The following TASOR variants were observed in gnomAD, a reference collection of about 807,000 sequenced individuals.
TASOR encodes protein TASOR.
In TASOR, 53 loss-of-function variants were observed where a neutral mutation model predicts 178.6. The observed-to-expected ratio is 0.30, with a 90% CI of 0.24 to 0.37. The LOEUF is 0.37. Ranked by LOEUF, TASOR falls within the 10% of genes least tolerant of loss-of-function variation. The pLI, the probability that TASOR is intolerant of heterozygous loss-of-function variation, is 1.00. For synonymous variants in TASOR, 713 were observed against 696.2 expected, an observed-to-expected ratio of 1.02 and a Z score of -0.38; for missense variants, 1,815 against 1,971.4, an observed-to-expected ratio of 0.92 and a Z score of 1.50.
At chr3:56,673,433 C>CAAAAA (rs5849162) in intron 2 of TASOR, 147 bp downstream of exon 2, 70 of 194,700 alleles carry the variant, frequency 3.6e-4, no homozygotes, top group Middle Eastern at 1.9e-3. Context: ...ACTCCGTCTC[C>CAAAAA]AAAAAAAAAA....
intron 18 of TASOR, 145 bp downstream of exon 18, chr3:56,632,899 A>G: frequency 1.6e-6 from 1 of 630,222 alleles, no homozygotes; most frequent in Non-Finnish European, 2.6e-6. Context: ...CAGCCTCCCA[A>G]GTTTTGGGAT....
chr3:56,621,767 G>T lies in TASOR; in HGVS notation c.*1270C>A. 4 of 270,800 alleles carry T rather than the reference G, an allele frequency of 1.5e-5. No homozygotes were observed. The highest frequency in any genetic ancestry group is 2.8e-5 in the Non-Finnish European group (4 of 144,170). The allele number at this position is 270,800 out of a possible 1,614,324, so 16.8% of individuals were successfully genotyped here. A position where few individuals can be genotyped will look rare whatever the true frequency, so the allele number is the denominator to read the frequency against. The stretch of plus-strand genomic sequence containing the variant: ...CTTGTATACTATGTAGTAAAATGCT[G>T]TACTTGTTCTATACAATAAAACAGA... On this transcript the variant is annotated 3_prime_UTR_variant, in exon 24 of 24. Coordinates refer to ENST00000683822, the MANE Select transcript of TASOR (RefSeq NM_001365635.2).
At chr3:56,624,742 C>T (rs2076762020) in intron 22 of TASOR, 86 bp downstream of exon 22, 1 of 1,547,104 alleles carries the variant, frequency 6.5e-7, no homozygotes, top group Non-Finnish European at 8.8e-7. Flanking sequence ...AGAATCAAAG[C>T]TTAGCAATAC....
intron 1 of TASOR, among the ~76,000 whole-genome samples, chr3:56,678,502 G>A (rs1014949972): frequency 2.6e-5 from 4 of 151,926 alleles, no homozygotes; most frequent in African/African-American, 9.7e-5. Flanking sequence ...TTTGAAGGTT[G>A]TATTTATAAA....
chr3:56,626,973 G>C (rs2076813085), intron 21 of TASOR, 64 bp downstream of exon 21: 7 of 1,008,448 alleles, frequency 6.9e-6, no homozygotes, highest in Non-Finnish European at 1.1e-5. Context: ...CATGGGAAGA[G>C]AGAAATATTA....
At chr3:56,627,224 ATAT>A in intron 20 of TASOR, 79 bp from the exon 21 acceptor site, 1 of 876,902 alleles carries the variant, frequency 1.1e-6, no homozygotes, top group Non-Finnish European at 1.8e-6. Context: ...GTGTTTTTTC[ATAT>A]TATGTAGAAA....
chr3:56,658,117 TG>T (rs1479516119), intron 11 of TASOR, among the ~76,000 whole-genome samples: 2 of 152,200 alleles, frequency 1.3e-5, no homozygotes, highest in Non-Finnish European at 2.9e-5. Flanking sequence ...AAGAAAACTA[TG>T]AATAAAGTAG....
intron 17 of TASOR, among the ~76,000 whole-genome samples, chr3:56,635,876 C>A (rs887623070): frequency 1.4e-4 from 22 of 152,276 alleles, no homozygotes; most frequent in Non-Finnish European, 3.2e-4. Context: ...ATATTTTTAA[C>A]CTGAAATATA....
rs1396800311 is a variant in TASOR at position 56,671,656 on chromosome 3, G to A, written c.514C>T (p.Arg172Cys). ...GATTCTGAAAGTTCCTTATCTAAAC[G>A]ACCATCAAACTTCAGTTCTCTTCGC... Reference protein sequence around the residue: ...EKRRELKFDGRLDKELSESYA... With the variant: ...EKRRELKFDGCLDKELSESYA... Residue 172 changes from arginine (R) to cysteine (C), a missense_variant, in exon 3 of 24, where the codon CGT becomes TGT. Physicochemically the swap from Arg to Cys is radical, Grantham distance 180. Around this residue, in one of 5 missense-constraint regions of TASOR, gnomAD observed 504 missense variants for 645.3 expected, o/e 0.78. Transcript: ENST00000683822. 3.9e-6 allele frequency: 6 copies of A among 1,549,168 alleles called. No homozygotes were observed. The highest frequency in any genetic ancestry group is 3.6e-5 in the South Asian group (3 of 83,732).
intron 14 of TASOR, 43 bp from the exon 15 acceptor site, chr3:56,641,795 A>G (rs762333439): frequency 2.0e-5 from 31 of 1,542,496 alleles, no homozygotes; most frequent in Non-Finnish European, 2.7e-5. Flanking sequence ...GTTTAAAAGC[A>G]AGCATAAAAC....
At chr3:56,674,382 T>C (rs1002265713) in intron 1 of TASOR, among the ~76,000 whole-genome samples, 1 of 149,464 alleles carries the variant, frequency 6.7e-6, no homozygotes, top group Non-Finnish European at 1.5e-5. Context: ...TGGTGGTGCA[T>C]GCCTGTAGTA....
chr3:56,638,907 G>T, intron 16 of TASOR, 142 bp from the exon 17 acceptor site: 1 of 750,820 alleles, frequency 1.3e-6, no homozygotes, highest in Non-Finnish European at 2.3e-6. Flanking sequence ...GGTGATGATG[G>T]AATATCAACA....
In TASOR at chr3:56,623,077, C is replaced by A. The variant is rs745337373; in HGVS notation, c.4973G>T (p.Gly1658Val). The A allele has an allele frequency of 1.3e-6, 2 of 1,595,146 alleles. No individual in the cohort carries two copies. Among genetic ancestry groups the A allele is most frequent in the East Asian group, 4.5e-5 (2 of 44,580 alleles). Reference sequence around the variant, plus strand: ...ATATGGCCTGGAAGAATCACTTTTCCCCCAACTTAAGGGAGGTGGAGATTT... The same window carrying A: ...ATATGGCCTGGAAGAATCACTTTTCACCCAACTTAAGGGAGGTGGAGATTT... ...RDKSPPPLSW[G>V]KSDSSRPYSQ... The change falls in exon 24 of 24, where the codon GGG (glycine) becomes GTG (valine). Residue 1658 changes from glycine (G) to valine (V), a missense_variant. Gly to Val is a moderately radical substitution (Grantham distance 109). This residue lies in a region of TASOR where 278 missense variants were observed against 257.1 expected (regional missense o/e 1.08). Coordinates refer to ENST00000683822, the MANE Select transcript of TASOR (RefSeq NM_001365635.2).
chr3:56,663,331 T>C (rs1239756871), intron 8 of TASOR, among the ~76,000 whole-genome samples: 2 of 152,250 alleles, frequency 1.3e-5, no homozygotes, highest in African/African-American at 4.8e-5. Flanking sequence ...TCTTTTTCTA[T>C]TAAAGTGCTA....
intron 14 of TASOR, 39 bp from the exon 15 acceptor site, chr3:56,641,791 A>C: frequency 6.5e-7 from 1 of 1,547,708 alleles, no homozygotes; most frequent in Non-Finnish European, 8.7e-7. Flanking sequence ...TTAAGTTTAA[A>C]AGCAAGCATA....
At chr3:56,667,275 TAAAG>T (rs796456166) in intron 6 of TASOR, among the ~76,000 whole-genome samples, 128 of 152,306 alleles carry the variant, frequency 8.4e-4, no homozygotes, top group African/African-American at 3.0e-3. Flanking sequence ...AAGCAAAAAT[TAAAG>T]AAAGAACATT....
chr3:56,624,179 CA>C (rs2076748525), intron 23 of TASOR, among the ~76,000 whole-genome samples: 1 of 152,042 alleles, frequency 6.6e-6, no homozygotes, highest in Admixed American at 6.6e-5. Context: ...CAATAGTAAC[CA>C]ATAATGCTTA....
At chr3:56,638,960 A>C (rs1300778471) in intron 16 of TASOR, among the ~76,000 whole-genome samples, 195 bp from the exon 17 acceptor site, 1 of 152,202 alleles carries the variant, frequency 6.6e-6, no homozygotes, top group South Asian at 2.1e-4. Context: ...CCAAGTATGA[A>C]GGTGTCTAAA....
Position 56,633,599 on chromosome 3 carries a change from G to A in TASOR, c.3192C>T (p.Phe1064=), listed in dbSNP as rs752733573. 1.2e-6 allele frequency: 2 copies of A among 1,613,942 alleles called. No individual in the cohort carries two copies. The highest frequency in any genetic ancestry group is 1.3e-5 in the African/African-American group (1 of 74,912). Residue 1064 remains phenylalanine (F), a synonymous_variant, in exon 18 of 24, where the codon TTC becomes TTT. Coordinates refer to ENST00000683822, the MANE Select transcript of TASOR (RefSeq NM_001365635.2). ...CAGCTTTGGAAGTCTTAGAATATAT[G>A]AACTCGGAAAGCCGTTTCATCTTCT... ...TQEKMKRLSE[F]IYSKTSKAGV...
Sources: allele counts gnomAD v4.1 joint callset (sites outside exome capture counted in the v4.1 genomes callset), GRCh38; gene constraint gnomAD v4.1.1; regional missense constraint gnomAD v4.1.1; transcripts MANE v1.5; gene names NCBI Gene and HGNC (gene_info 2026-07-23, HGNC 2026-07-21).